The following SLC12A1 variants were observed in gnomAD, a reference collection of about 807,000 sequenced individuals.
SLC12A1 encodes solute carrier family 12 member 1, also known as Na-K-2Cl cotransporter.
Under a neutral mutation model 130.4 loss-of-function variants are expected in SLC12A1, and 89 were observed. The ratio of observed to expected loss-of-function variants is 0.68; its 90% CI spans 0.58 to 0.81. The LOEUF (loss-of-function observed/expected upper bound fraction) is 0.81. Ranked by LOEUF, SLC12A1 falls within the 40% of genes least tolerant of loss-of-function variation. SLC12A1 has a pLI of 0.00. For synonymous variants in SLC12A1, 499 were observed against 460.0 expected, an observed-to-expected ratio of 1.08 and a Z score of -1.09; for missense variants, 1,310 against 1,336.4, an observed-to-expected ratio of 0.98 and a Z score of 0.31.
At chr15:48,212,132 C>T (rs1305976899) in intron 2 of SLC12A1, among the ~76,000 whole-genome samples, 1 of 151,788 alleles carries the variant, frequency 6.6e-6, no homozygotes, top group African/African-American at 2.4e-5. Flanking sequence ...AATAAATGAT[C>T]GATGATGATA....
At chr15:48,207,133 C>T (rs1009686303) in intron 1 of SLC12A1, among the ~76,000 whole-genome samples, 3 of 151,982 alleles carry the variant, frequency 2.0e-5, no homozygotes, top group Non-Finnish European at 2.9e-5. Context: ...AGTATATATT[C>T]CTAACAATCA....
chr15:48,271,862 C>T (rs949486398), intron 19 of SLC12A1, among the ~76,000 whole-genome samples: 34 of 152,292 alleles, frequency 2.2e-4, no homozygotes, highest in African/African-American at 6.7e-4. Flanking sequence ...TGGAAATTGA[C>T]CAGATCTGTC....
Position 48,285,230 on chromosome 15 carries a change from T to C in SLC12A1, c.2610T>C (p.Thr870=). 6.2e-7 allele frequency: 1 copy of C among 1,613,808 alleles called. No individual in the cohort carries two copies. The highest frequency in any genetic ancestry group is 8.5e-7 in the Non-Finnish European group (1 of 1,179,798). ...LFKKAGKLNI[T]KTTPKKDGSI... ...AAAAAGCTGGCAAGTTGAACATTAC[T>C]AAGACAACGCCTAAAAAAGGTAAGA... The change falls in exon 21 of 27, where the codon ACT becomes ACC. Residue 870 remains threonine, a synonymous_variant. Coordinates refer to ENST00000380993, the MANE Select transcript of SLC12A1 (RefSeq NM_000338.3).
In SLC12A1 at chr15:48,227,394, G is replaced by A. The variant is rs2041304064; in HGVS notation, c.724+823G>A. 4 of 571,536 alleles carry A rather than the reference G, an allele frequency of 7.0e-6. No homozygotes were observed. In the Admixed American group the frequency reaches 9.0e-5, roughly 13 times the overall value. The allele number at this position is 571,536 out of a possible 1,614,324, so 35.4% of individuals were successfully genotyped here. ...TTGTAACAAAACATGTTTATAAAGT[G>A]GAGAGTGACTATGTGTCTAGTAAGA... On this transcript the variant is annotated intron_variant, in intron 5 of 26. Transcript: ENST00000380993.
intron 20 of SLC12A1, among the ~76,000 whole-genome samples, chr15:48,281,613 T>C (rs997131172): frequency 6.6e-6 from 1 of 152,198 alleles, no homozygotes. Context: ...CTGTGCTACC[T>C]TGGACAAATC....
At chr15:48,245,331 G>T (rs527277328) in intron 11 of SLC12A1, among the ~76,000 whole-genome samples, 1 of 152,142 alleles carries the variant, frequency 6.6e-6, no homozygotes, top group Admixed American at 6.5e-5. Context: ...AGATTTGGGG[G>T]TATTACAACA....
chr15:48,289,269 G>A (rs771304639), intron 23 of SLC12A1, among the ~76,000 whole-genome samples: 2 of 151,088 alleles, frequency 1.3e-5, no homozygotes, highest in Non-Finnish European at 2.9e-5. Flanking sequence ...AGGGCACTGA[G>A]GGACTAAGCT....
intron 15 of SLC12A1, among the ~76,000 whole-genome samples, chr15:48,252,394 T>G (rs2041658375): frequency 1.3e-5 from 2 of 152,170 alleles, no homozygotes; most frequent in South Asian, 4.1e-4. Flanking sequence ...AACCAGAATG[T>G]GTATGATACC....
intron 13 of SLC12A1, among the ~76,000 whole-genome samples, chr15:48,247,843 G>T (rs1007618848): frequency 1.3e-5 from 2 of 152,082 alleles, no homozygotes; most frequent in Non-Finnish European, 2.9e-5. Flanking sequence ...CATCTATATC[G>T]CAATCACCTG....
chr15:48,219,572 A>G (rs1053396602), intron 2 of SLC12A1, among the ~76,000 whole-genome samples: 2 of 151,414 alleles, frequency 1.3e-5, no homozygotes, highest in African/African-American at 4.9e-5. Flanking sequence ...GGAAAGAAAG[A>G]AAGATGAAAA....
chr15:48,287,363 G>GTT (rs11318362), intron 21 of SLC12A1, among the ~76,000 whole-genome samples: 6 of 146,120 alleles, frequency 4.1e-5, no homozygotes, highest in African/African-American at 1.5e-4. Context: ...ATTTTCTAAG[G>GTT]TTTTTTTTTT....
intron 14 of SLC12A1, among the ~76,000 whole-genome samples, chr15:48,250,235 A>G (rs760761854): frequency 6.6e-6 from 1 of 152,174 alleles, no homozygotes; most frequent in African/African-American, 2.4e-5. Flanking sequence ...CTTTGCTTTC[A>G]TTGTCCACTA....
chr15:48,222,538 T>G (rs1488376556), intron 4 of SLC12A1: 1 of 152,086 alleles, frequency 6.6e-6, no homozygotes, highest in East Asian at 1.9e-4. Flanking sequence ...GAGAGTAAAA[T>G]TCTACCTAGT....
chr15:48,300,772 T>C (rs1397218288), intron 25 of SLC12A1, among the ~76,000 whole-genome samples: 1 of 152,208 alleles, frequency 6.6e-6, no homozygotes, highest in Non-Finnish European at 1.5e-5. Flanking sequence ...TCCAAGTGAG[T>C]CTTTTGGTGG....
At chr15:48,275,016 G>T (rs761372910) in intron 20 of SLC12A1, among the ~76,000 whole-genome samples, 1 of 152,112 alleles carries the variant, frequency 6.6e-6, no homozygotes, top group African/African-American at 2.4e-5. Context: ...GGAAAAACAC[G>T]TATTTTGCTT....
At chr15:48,250,435 T>A (rs937030851) in intron 14 of SLC12A1, among the ~76,000 whole-genome samples, 6 of 152,222 alleles carry the variant, frequency 3.9e-5, no homozygotes, top group African/African-American at 1.4e-4. Context: ...CCAATCTTAA[T>A]CTAACGAATA....
chr15:48,221,522 C>G (rs2041216249), intron 4 of SLC12A1: 5 of 605,448 alleles, frequency 8.3e-6, no homozygotes, highest in Admixed American at 2.8e-5. Flanking sequence ...TTGCCAGATA[C>G]AAGCTTTAAG....
intron 19 of SLC12A1, among the ~76,000 whole-genome samples, chr15:48,270,945 C>A (rs1196673852): frequency 6.7e-6 from 1 of 150,152 alleles, no homozygotes; most frequent in Non-Finnish European, 1.5e-5. Context: ...GCCTTTCAAC[C>A]AGGCATGGTG....
At position 48,295,935 on chromosome 15, in the gene SLC12A1, C is replaced by T. The variant is rs945594720; in HGVS notation, c.2961-3205C>T. On this transcript the variant is annotated intron_variant, in intron 24 of 26. Coordinates refer to ENST00000380993, the MANE Select transcript of SLC12A1 (RefSeq NM_000338.3). ...CAGTATGGTCATTCAATAAATCTCACGGATGGCCACTAGTAGCGCGTCTGG... is the reference window on the plus strand; with the variant it reads ...CAGTATGGTCATTCAATAAATCTCATGGATGGCCACTAGTAGCGCGTCTGG... 2.6e-5 allele frequency among the ~76,000 whole-genome samples: 4 copies of T among 152,252 alleles called. No individual in the cohort carries two copies. The East Asian group carries it at 5.8e-4, about 22-fold the overall frequency.
Sources: allele counts gnomAD v4.1 joint callset (sites outside exome capture counted in the v4.1 genomes callset), GRCh38; gene constraint gnomAD v4.1.1; transcripts MANE v1.5; gene names NCBI Gene and HGNC (gene_info 2026-07-23, HGNC 2026-07-21).